RBFOX1: variants seen among roughly 807,000 people sequenced by gnomAD.
RBFOX1 encodes the protein RNA binding protein fox-1 homolog 1.
In RBFOX1, 8 loss-of-function variants were observed where a neutral mutation model predicts 57.7. The observed-to-expected ratio is 0.14, with a 90% confidence interval of 0.08 to 0.25. The LOEUF is 0.25. Ranked by LOEUF, RBFOX1 falls within the 10% of genes least tolerant of loss-of-function variation. The pLI is 1.00. For missense variants in RBFOX1, 611 were observed against 548.5 expected (o/e 1.11, Z -1.14); for synonymous variants, 326 against 222.4 (o/e 1.47, Z -4.15).
At chr16:6,421,526 C>G (rs751432303) in intron 2 of RBFOX1, among the ~76,000 whole-genome samples, 1 of 152,150 alleles carries the variant, frequency 6.6e-6, no homozygotes. Flanking sequence ...AGATTTTCAG[C>G]AAACGTTGAC....
chr16:7,217,626 G>T (rs891164739), intron 4 of RBFOX1, among the ~76,000 whole-genome samples: 3 of 151,656 alleles, frequency 2.0e-5, no homozygotes, highest in Non-Finnish European at 4.4e-5. Flanking sequence ...CAATTACTTG[G>T]CTTGAAAAGG....
intron 3 of RBFOX1, among the ~76,000 whole-genome samples, chr16:5,639,393 G>A (rs1237912226): frequency 6.6e-6 from 1 of 152,012 alleles, no homozygotes; most frequent in Non-Finnish European, 1.5e-5. Flanking sequence ...TTAAAATTTT[G>A]GATTACTTGT....
At chr16:7,255,874 A>G (rs1388094030) in intron 4 of RBFOX1, among the ~76,000 whole-genome samples, 1 of 152,196 alleles carries the variant, frequency 6.6e-6, no homozygotes, top group Non-Finnish European at 1.5e-5. Flanking sequence ...TCATGTGTTC[A>G]ATAGCCACAT....
Position 5,565,535 on chromosome 16 carries a change from G to A in RBFOX1, c.259-33367G>A, listed in dbSNP as rs190759458. On this transcript the variant is annotated intron_variant, in intron 2 of 2. Coordinates refer to the RBFOX1 transcript ENST00000585867. ...AGCTACTTGGGAGGCTGAGGCAGGA[G>A]AATCACTTGAACCCGGGAGGCGGAG... 6.1e-3 allele frequency among the ~76,000 whole-genome samples: 933 copies of A among 152,110 alleles called. 12 individuals carry two copies. The highest frequency in any genetic ancestry group is 0.022 in the African/African-American group (902 of 41,498).
chr16:7,204,192 C>A (rs1384469869), intron 4 of RBFOX1, among the ~76,000 whole-genome samples: 1 of 152,194 alleles, frequency 6.6e-6, no homozygotes, highest in African/African-American at 2.4e-5. Flanking sequence ...TTCCAATGAT[C>A]CATTCTCAAT....
chr16:5,950,491 A>G (rs540102299), intron 4 of RBFOX1, among the ~76,000 whole-genome samples: 1 of 152,338 alleles, frequency 6.6e-6, no homozygotes, highest in South Asian at 2.1e-4. Flanking sequence ...TTCTGATGTG[A>G]AAATGAGCCC....
In RBFOX1 at chr16:5,567,214, C is replaced by A. The variant is rs968243365; in HGVS notation, c.259-31688C>A. Among the ~76,000 whole-genome samples the A allele has an allele frequency of 2.0e-5, 3 of 152,168 alleles. No homozygotes were observed. The East Asian group carries it at 5.8e-4, about 29-fold the overall frequency. On this transcript the variant is annotated intron_variant, in intron 2 of 2. Coordinates refer to the RBFOX1 transcript ENST00000585867. The stretch of plus-strand genomic sequence containing the variant: ...TTTAGCTGTATCCCACAGCCCATGG[C>A]CTTGCAGACATGTGGGACGTATCCT...
intron 3 of RBFOX1, among the ~76,000 whole-genome samples, chr16:5,722,904 T>G (rs535495353): frequency 2.0e-5 from 3 of 152,230 alleles, no homozygotes; most frequent in Admixed American, 1.3e-4. Flanking sequence ...GTGTTTTCTT[T>G]TGTGGAAGTT....
At chr16:6,078,587 C>G (rs982024741) in intron 1 of RBFOX1, among the ~76,000 whole-genome samples, 1 of 152,188 alleles carries the variant, frequency 6.6e-6, no homozygotes, top group South Asian at 2.1e-4. Flanking sequence ...AGTTAGTTAA[C>G]CTCTCTGATC....
intron 4 of RBFOX1, among the ~76,000 whole-genome samples, chr16:5,988,546 C>T (rs1407660699): frequency 6.6e-6 from 1 of 152,138 alleles, no homozygotes; most frequent in Non-Finnish European, 1.5e-5. Context: ...GAACCATCTG[C>T]TGTTACCCCC....
At chr16:6,485,560 T>C (rs2095460474) in intron 2 of RBFOX1, among the ~76,000 whole-genome samples, 1 of 152,128 alleles carries the variant, frequency 6.6e-6, no homozygotes. Flanking sequence ...CTTTCAGGAA[T>C]TCTCCGCTCA....
At chr16:7,703,427 G>C (rs2081405377) in intron 14 of RBFOX1, among the ~76,000 whole-genome samples, 1 of 150,504 alleles carries the variant, frequency 6.6e-6, no homozygotes. Flanking sequence ...TCATCTTTCT[G>C]CTCCACAGGA....
intron 1 of RBFOX1, among the ~76,000 whole-genome samples, chr16:5,349,367 C>T (rs1344327433): frequency 6.6e-6 from 1 of 152,054 alleles, no homozygotes; most frequent in Non-Finnish European, 1.5e-5. Context: ...TTAACAACAC[C>T]ATGCACTTAA....
In RBFOX1 at chr16:5,743,046, G is replaced by GTT. The variant is rs201325017; in HGVS notation, c.319-124249_319-124248dup. ...GATTAACTCCGCTTACTATTAGCCT[G>GTT]TTTTTTTTTCTCCAAGTGCTTTTCT... On this transcript the variant is annotated intron_variant, in intron 3 of 19. Transcript: ENST00000641259. 1.8e-3 allele frequency among the ~76,000 whole-genome samples: 275 copies of GTT among 151,334 alleles called. 2 individuals are homozygous for GTT. Among genetic ancestry groups the GTT allele is most frequent in the African/African-American group, 6.5e-3 (268 of 41,300 alleles).
chr16:7,163,743 G>A (rs2078872438), intron 4 of RBFOX1, among the ~76,000 whole-genome samples: 1 of 151,984 alleles, frequency 6.6e-6, no homozygotes, highest in Non-Finnish European at 1.5e-5. Flanking sequence ...TGCAACCTCT[G>A]CCTCGTGGGT....
chr16:5,748,647 A>G (rs979302506), intron 3 of RBFOX1, among the ~76,000 whole-genome samples: 9 of 151,568 alleles, frequency 5.9e-5, no homozygotes, highest in Admixed American at 6.6e-5. Context: ...GTCTCTTTTG[A>G]TCTTTGTTGG....
intron 3 of RBFOX1, among the ~76,000 whole-genome samples, chr16:6,807,263 G>A (rs1018517597): frequency 7.2e-5 from 11 of 152,208 alleles, no homozygotes; most frequent in African/African-American, 2.2e-4. Context: ...CTAAGGTATT[G>A]AGGGAGATGA....
intron 1 of RBFOX1, among the ~76,000 whole-genome samples, chr16:6,082,369 T>C: frequency 7.3e-6 from 1 of 136,946 alleles, no homozygotes; most frequent in African/African-American, 2.7e-5. Context: ...TTTTTTTTTT[T>C]TTTTTTGGAT....
chr16:7,550,251 C>CTTTTT (rs35299614), intron 5 of RBFOX1, among the ~76,000 whole-genome samples: 1 of 147,662 alleles, frequency 6.8e-6, no homozygotes, highest in East Asian at 2.0e-4. Context: ...CCTCCAGAGT[C>CTTTTT]TTTTTTTTTT....
Sources: gnomAD v4.1 joint callset for allele counts (sites outside exome capture counted in the v4.1 genomes callset) on GRCh38, gnomAD v4.1.1 for gene constraint, MANE v1.5 for transcripts, NCBI Gene and HGNC (gene_info 2026-07-23, HGNC 2026-07-21) for gene names.